The following PDE1C variants were observed in gnomAD, a reference collection of about 807,000 sequenced individuals.
PDE1C encodes dual specificity calcium/calmodulin-dependent 3',5'-cyclic nucleotide phosphodiesterase 1C.
In PDE1C, 62 loss-of-function variants were observed where a neutral mutation model predicts 93.1. The ratio of observed to expected loss-of-function variants is 0.67; its 90% confidence interval spans 0.54 to 0.82. The LOEUF (loss-of-function observed/expected upper bound fraction) is 0.82, where lower values mean the gene tolerates loss of function less well. Ranked by LOEUF, PDE1C falls within the 40% of genes least tolerant of loss-of-function variation. PDE1C has a pLI of 0.00. For synonymous variants in PDE1C, 325 were observed against 310.1 expected, an observed-to-expected ratio of 1.05 and a Z score of -0.50; for missense variants, 742 against 884.6, an observed-to-expected ratio of 0.84 and a Z score of 2.04.
upstream of PDE1C, chr7:32,070,793 G>T: frequency 2.0e-6 from 2 of 999,358 alleles, no homozygotes; most frequent in Non-Finnish European, 2.4e-6. Flanking sequence ...GAGGTGAAAA[G>T]GAGGGCTGGG....
intron 3 of PDE1C, among the ~76,000 whole-genome samples, chr7:32,130,404 C>T (rs1563337727): frequency 6.6e-6 from 1 of 152,098 alleles, no homozygotes; most frequent in African/African-American, 2.4e-5. Context: ...CTCCCTTTCT[C>T]TCCTTCCTCT....
At chr7:31,919,612 A>T (rs1379176084) in intron 2 of PDE1C, among the ~76,000 whole-genome samples, 1 of 152,212 alleles carries the variant, frequency 6.6e-6, no homozygotes, top group African/African-American at 2.4e-5. Flanking sequence ...CCCTTAAAAA[A>T]ACGAGGGCAA....
At chr7:32,107,061 T>C (rs2128753019) in intron 3 of PDE1C, among the ~76,000 whole-genome samples, 1 of 151,014 alleles carries the variant, frequency 6.6e-6, no homozygotes, top group South Asian at 2.1e-4. Flanking sequence ...TTTGGTGGAC[T>C]CATCAGTAGA....
the PDE1C span, among the ~76,000 whole-genome samples, chr7:31,618,492 C>A: frequency 1.3e-5 from 2 of 152,136 alleles, no homozygotes; most frequent in Admixed American, 1.3e-4. Context: ...CTTTCCTGAT[C>A]CAAAGCCTAA....
chr7:32,288,797 C>T (rs1313331612), intron 1 of PDE1C, among the ~76,000 whole-genome samples: 1 of 152,182 alleles, frequency 6.6e-6, no homozygotes, highest in Non-Finnish European at 1.5e-5. Flanking sequence ...AATGTGTGTT[C>T]CCTGGGCCCA....
At chr7:32,427,356 T>C (rs1785555751) in intron 1 of PDE1C, among the ~76,000 whole-genome samples, 1 of 152,132 alleles carries the variant, frequency 6.6e-6, no homozygotes, top group Non-Finnish European at 1.5e-5. Flanking sequence ...TCAAATCGTG[T>C]GTGCTCTTTT....
intron 2 of PDE1C, among the ~76,000 whole-genome samples, chr7:31,979,192 A>G (rs1379598502): frequency 1.3e-5 from 2 of 152,202 alleles, no homozygotes; most frequent in African/African-American, 4.8e-5. Flanking sequence ...TTGTATGGAA[A>G]TAAAGAAGTA....
At chr7:32,361,644 C>T (rs1174759557) in intron 1 of PDE1C, among the ~76,000 whole-genome samples, 1 of 152,140 alleles carries the variant, frequency 6.6e-6, no homozygotes, top group East Asian at 1.9e-4. Context: ...CTTCAAGGTC[C>T]ACCTCAGCTG....
Position 32,243,004 on chromosome 7 carries a change from T to C in PDE1C, c.86-33465A>G, listed in dbSNP as rs147718259. Among the ~76,000 whole-genome samples the C allele has an allele frequency of 3.3e-5, 5 of 152,282 alleles. No homozygotes were observed. The East Asian group carries it at 9.7e-4, about 29-fold the overall frequency. On this transcript the variant is annotated intron_variant, in intron 1 of 18. Coordinates refer to the PDE1C transcript ENST00000396193. ...GGATACAAGAGATACAAGGGACACGTGTCCAGGAGATGGTGATGGATGACC... is the reference window on the plus strand; with the variant it reads ...GGATACAAGAGATACAAGGGACACGCGTCCAGGAGATGGTGATGGATGACC...
Position 32,320,970 on chromosome 7 carries a change from C to T in PDE1C, c.310+106852G>A, listed in dbSNP as rs769705903. 4.6e-5 allele frequency among the ~76,000 whole-genome samples: 7 copies of T among 152,168 alleles called. No individual in the cohort carries two copies. The East Asian group carries it at 1.2e-3, about 25-fold the overall frequency. On this transcript the variant is annotated intron_variant, in intron 1 of 1. Coordinates refer to the PDE1C transcript ENST00000672256. ...ATGTGCATCACAGACCTAGGTCACC[C>T]ACTACAGAGTCCTGATTCAGGCCAC...
the PDE1C span, among the ~76,000 whole-genome samples, chr7:31,732,961 T>A: frequency 1.3e-5 from 2 of 152,176 alleles, no homozygotes; most frequent in African/African-American, 4.8e-5. Flanking sequence ...GGGGAAAATG[T>A]CAGGCTGTGA....
intron 1 of PDE1C, among the ~76,000 whole-genome samples, chr7:32,416,365 G>A (rs1283808273): frequency 6.6e-6 from 1 of 152,148 alleles, no homozygotes; most frequent in Non-Finnish European, 1.5e-5. Context: ...GGAAGGATGT[G>A]GAGCCATCCC....
At chr7:32,084,388 C>T (rs1266195663) in intron 3 of PDE1C, among the ~76,000 whole-genome samples, 2 of 149,454 alleles carry the variant, frequency 1.3e-5, no homozygotes, top group Non-Finnish European at 3.0e-5. Flanking sequence ...CTTAGACTCC[C>T]ACACAATAAT....
chr7:31,877,434 A>C (rs1466281292), intron 5 of PDE1C, among the ~76,000 whole-genome samples: 1 of 152,130 alleles, frequency 6.6e-6, no homozygotes, highest in African/African-American at 2.4e-5. Context: ...TAGATGGGAC[A>C]AAGGCTCTCA....
intron 2 of PDE1C, among the ~76,000 whole-genome samples, chr7:31,977,518 A>G (rs1811822165): frequency 6.6e-6 from 1 of 152,152 alleles, no homozygotes; most frequent in South Asian, 2.1e-4. Flanking sequence ...AATTTACTAT[A>G]GTTCTGCCTA....
rs1422059776 is a variant in PDE1C at position 32,247,242 on chromosome 7, T to TATAATGGCTCAACTTACAATTGTTC, written c.86-37704_86-37703insGAACAATTGTAAGTTGAGCCATTAT. The stretch of plus-strand genomic sequence containing the variant: ...ATGACTAGAGAGGTTTTGTGCGAAT[T>TATAATGGCTCAACTTACAATTGTTC]GAAGCAGTGGCCACAGACCAGGTCT... On this transcript the variant is annotated intron_variant, in intron 1 of 18. Coordinates refer to the PDE1C transcript ENST00000396193. Among the ~76,000 whole-genome samples the TATAATGGCTCAACTTACAATTGTTC allele has an allele frequency of 5.3e-4, 66 of 124,302 alleles. 1 individual carries two copies. The highest frequency in any genetic ancestry group is 8.3e-3 in the Middle Eastern group (2 of 242). The allele number at this position is 124,302 out of a possible 152,430, so 81.5% of individuals were successfully genotyped here. A position where few individuals can be genotyped will look rare whatever the true frequency, so the allele number is the denominator to read the frequency against.
chr7:31,837,905 G>A lies in PDE1C; in HGVS notation c.1047C>T (p.Ile349=). ...ATDMSCHFQQ[I]KAMKTALQQP... ...GCTGCAGAGCAGTCTTCATTGCTTTGATTTGTTGGAAGTGACAAGACATAT... is the reference window on the plus strand; with the variant it reads ...GCTGCAGAGCAGTCTTCATTGCTTTAATTTGTTGGAAGTGACAAGACATAT... The change falls in exon 10 of 18, where the codon ATC becomes ATT. Residue 349 remains isoleucine, a synonymous_variant. Coordinates refer to ENST00000396191, the MANE Select transcript of PDE1C (RefSeq NM_001191057.4). The A allele has an allele frequency of 4.3e-6, 7 of 1,613,724 alleles. No individual in the cohort carries two copies. The highest frequency in any genetic ancestry group is 5.9e-6 in the Non-Finnish European group (7 of 1,179,668).
intron 2 of PDE1C, among the ~76,000 whole-genome samples, chr7:31,964,771 C>T (rs1048140710): frequency 5.3e-5 from 8 of 152,160 alleles, no homozygotes; most frequent in African/African-American, 1.7e-4. Flanking sequence ...TCTAGAGGAA[C>T]GATCAGGCAG....
chr7:32,258,858 C>A (rs936354321), intron 1 of PDE1C, among the ~76,000 whole-genome samples: 1 of 152,304 alleles, frequency 6.6e-6, no homozygotes, highest in East Asian at 1.9e-4. Context: ...TCCAGGCCTG[C>A]AAGACCCAAG....
Sources: allele counts gnomAD v4.1 joint callset (sites outside exome capture counted in the v4.1 genomes callset), GRCh38; gene constraint gnomAD v4.1.1; transcripts MANE v1.5; gene names NCBI Gene and HGNC (gene_info 2026-07-23, HGNC 2026-07-21).